Variants in NPAS3 observed in about 807,000 individuals in gnomAD.
NPAS3 encodes neuronal PAS domain protein 3, also known as neuronal PAS domain-containing protein 3.
In NPAS3, 14 loss-of-function variants were observed where a neutral mutation model predicts 73.1. That is an observed-to-expected ratio of 0.19 (90% CI 0.13 to 0.30). The LOEUF is 0.30. NPAS3 is among the 10% of genes least tolerant of loss of function. The pLI, the probability that NPAS3 is intolerant of heterozygous loss-of-function variation, is 1.00. For synonymous variants in NPAS3, 620 were observed against 541.5 expected (o/e 1.14, Z -2.01); for missense variants, 1,096 against 1,250.0 (o/e 0.88, Z 1.86).
At chr14:33,378,561 C>T (rs921218301) in intron 4 of NPAS3, among the ~76,000 whole-genome samples, 8 of 152,120 alleles carry the variant, frequency 5.3e-5, no homozygotes, top group Middle Eastern at 3.4e-3. Context: ...GCTTGAACCC[C>T]GGAGGTAGAG....
At chr14:33,743,989 T>C (rs903179030) in intron 7 of NPAS3, among the ~76,000 whole-genome samples, 1 of 152,040 alleles carries the variant, frequency 6.6e-6, no homozygotes, top group East Asian at 1.9e-4. Flanking sequence ...TTATGGCTGG[T>C]TTGGTCTTCT....
intron 4 of NPAS3, among the ~76,000 whole-genome samples, chr14:33,527,773 C>T (rs2053866579): frequency 6.6e-6 from 1 of 152,104 alleles, no homozygotes; most frequent in East Asian, 1.9e-4. Flanking sequence ...TGTGAGAATC[C>T]TGTTTCCTAG....
At chr14:33,216,592 G>C (rs1451284687) in intron 3 of NPAS3, among the ~76,000 whole-genome samples, 1 of 152,182 alleles carries the variant, frequency 6.6e-6, no homozygotes, top group Non-Finnish European at 1.5e-5. Flanking sequence ...AACATTTTCT[G>C]TAAAGGGCCA....
chr14:33,437,824 G>A (rs2049055357), intron 4 of NPAS3, among the ~76,000 whole-genome samples: 1 of 152,170 alleles, frequency 6.6e-6, no homozygotes, highest in African/African-American at 2.4e-5. Context: ...TTTCAGATGT[G>A]GTAGGGTAGA....
intron 2 of NPAS3, among the ~76,000 whole-genome samples, chr14:33,074,129 G>A (rs2041578529): frequency 6.6e-6 from 1 of 152,144 alleles, no homozygotes; most frequent in African/African-American, 2.4e-5. Flanking sequence ...TATTGATAGA[G>A]CACCAAGAAG....
At chr14:33,442,443 T>G (rs987452083) in intron 4 of NPAS3, among the ~76,000 whole-genome samples, 1 of 152,056 alleles carries the variant, frequency 6.6e-6, no homozygotes, top group African/African-American at 2.4e-5. Flanking sequence ...AAACTACAGT[T>G]AAGCCAGGTG....
chr14:33,307,387 C>A (rs1008431025), intron 3 of NPAS3, among the ~76,000 whole-genome samples: 1 of 151,926 alleles, frequency 6.6e-6, no homozygotes, highest in Non-Finnish European at 1.5e-5. Flanking sequence ...GATTGTATAT[C>A]GTTCTTATTA....
intron 1 of NPAS3, among the ~76,000 whole-genome samples, chr14:33,027,898 C>T (rs1049085699): frequency 5.9e-5 from 9 of 152,106 alleles, no homozygotes; most frequent in African/African-American, 2.2e-4. Context: ...AAAACTTTTC[C>T]TGTGCCTTCT....
chr14:33,399,867 A>G (rs767187552), intron 4 of NPAS3, among the ~76,000 whole-genome samples: 22 of 152,058 alleles, frequency 1.4e-4, no homozygotes, highest in Non-Finnish European at 2.8e-4. Flanking sequence ...TCAATACCAG[A>G]CTCAACTGTT....
At position 33,367,486 on chromosome 14, in the gene NPAS3, T is replaced by G. The variant is rs189454794; in HGVS notation, c.468+218T>G. On this transcript the variant is annotated intron_variant, in intron 4 of 11. Coordinates refer to ENST00000356141, the Ensembl canonical transcript of NPAS3. The stretch of plus-strand genomic sequence containing the variant: ...AGAAAGGGAGGGCAAGTATTATTTG[T>G]GCTGAAATAATTTAGATGAATTGCA... Among the ~76,000 whole-genome samples, 523 of 152,330 alleles carry G rather than the reference T, an allele frequency of 3.4e-3. 1 individual carries two copies. The highest frequency in any genetic ancestry group is 6.1e-3 in the Non-Finnish European group (415 of 68,022).
intron 7 of NPAS3, among the ~76,000 whole-genome samples, chr14:33,758,638 T>C (rs1355608961): frequency 6.6e-6 from 1 of 152,236 alleles, no homozygotes; most frequent in Non-Finnish European, 1.5e-5. Context: ...AAAAATAATA[T>C]TCATTTAAAC....
At chr14:33,125,033 G>A (rs1274078489) in intron 2 of NPAS3, among the ~76,000 whole-genome samples, 1 of 152,008 alleles carries the variant, frequency 6.6e-6, no homozygotes, top group African/African-American at 2.4e-5. Flanking sequence ...AAAGAAGAAA[G>A]TACTTAAAGG....
At chr14:32,943,863 A>G (rs1222063113) in intron 1 of NPAS3, among the ~76,000 whole-genome samples, 2 of 151,862 alleles carry the variant, frequency 1.3e-5, no homozygotes, top group Non-Finnish European at 2.9e-5. Context: ...TAATTTTTGT[A>G]TTTTTAGTAG....
At chr14:33,251,980 A>G (rs1457834187) in intron 3 of NPAS3, among the ~76,000 whole-genome samples, 1 of 151,906 alleles carries the variant, frequency 6.6e-6, no homozygotes, top group African/African-American at 2.4e-5. Flanking sequence ...TTCATGCCCC[A>G]GATTCATAAT....
chr14:33,242,255 C>T (rs1015421574), intron 3 of NPAS3, among the ~76,000 whole-genome samples: 3 of 151,986 alleles, frequency 2.0e-5, no homozygotes, highest in African/African-American at 7.2e-5. Flanking sequence ...TTATAGTTCC[C>T]TTCTCAAATT....
chr14:33,673,196 A>G (rs1012465594), intron 5 of NPAS3, among the ~76,000 whole-genome samples: 1 of 152,202 alleles, frequency 6.6e-6, no homozygotes, highest in African/African-American at 2.4e-5. Flanking sequence ...GCACAGGGGA[A>G]CTCAGAGGTC....
intron 3 of NPAS3, among the ~76,000 whole-genome samples, chr14:33,251,355 T>C (rs2048577619): frequency 6.6e-6 from 1 of 152,072 alleles, no homozygotes; most frequent in African/African-American, 2.4e-5. Context: ...GTGTATTGCT[T>C]AGGGTTGGGT....
At chr14:33,025,499 G>A (rs1260921398) in intron 1 of NPAS3, among the ~76,000 whole-genome samples, 1 of 152,166 alleles carries the variant, frequency 6.6e-6, no homozygotes, top group Non-Finnish European at 1.5e-5. Flanking sequence ...AGGTTGGTTA[G>A]AGCAAGTCTG....
intron 1 of NPAS3, among the ~76,000 whole-genome samples, chr14:33,022,015 G>A (rs1328546282): frequency 6.6e-6 from 1 of 152,120 alleles, no homozygotes; most frequent in East Asian, 1.9e-4. Context: ...TCGCAGGCTG[G>A]ACATTCCAAC....
Sources: gnomAD v4.1 joint callset for allele counts (sites outside exome capture counted in the v4.1 genomes callset) on GRCh38, gnomAD v4.1.1 for gene constraint, MANE v1.5 for transcripts, NCBI Gene and HGNC (gene_info 2026-07-23, HGNC 2026-07-21) for gene names.